CD163L1: variants seen among roughly 807,000 people sequenced by gnomAD.
CD163L1 encodes CD163 molecule like 1.
In CD163L1, 124 loss-of-function variants were observed where a neutral mutation model predicts 165.4. The observed-to-expected ratio is 0.75, with a 90% CI of 0.65 to 0.87. CD163L1 has a LOEUF of 0.87. CD163L1 is among the 40% of genes least tolerant of loss of function. CD163L1 has a pLI of 0.00. For missense variants in CD163L1, 1,525 were observed against 1,799.9 expected (o/e 0.85, Z 2.76); for synonymous variants, 585 against 662.2 (o/e 0.88, Z 1.79).
At chr12:7,384,852 A>C (rs1032411521) in intron 8 of CD163L1, among the ~76,000 whole-genome samples, 3 of 152,102 alleles carry the variant, frequency 2.0e-5, no homozygotes, top group Non-Finnish European at 2.9e-5. Context: ...TATAAAACTA[A>C]GCAGACAAAT....
At chr12:7,359,873 G>C (rs761701477) in intron 18 of CD163L1, among the ~76,000 whole-genome samples, 2 of 151,920 alleles carry the variant, frequency 1.3e-5, no homozygotes, top group African/African-American at 2.4e-5. Flanking sequence ...TTAGAAATCT[G>C]TATTCATTTT....
At chr12:7,404,162 GA>G (rs1947969387) in intron 5 of CD163L1, among the ~76,000 whole-genome samples, 1 of 151,752 alleles carries the variant, frequency 6.6e-6, no homozygotes, top group Admixed American at 6.6e-5. Flanking sequence ...TAAAATTTAA[GA>G]AACTAAACAT....
chr12:7,370,987 T>C (rs1947134812), intron 14 of CD163L1, among the ~76,000 whole-genome samples: 1 of 152,188 alleles, frequency 6.6e-6, no homozygotes, highest in African/African-American at 2.4e-5. Flanking sequence ...AATTGAATCA[T>C]AGGGGTGGGT....
chr12:7,319,677 A>G, the CD163L1 span, among the ~76,000 whole-genome samples: 4 of 152,102 alleles, frequency 2.6e-5, no homozygotes, highest in South Asian at 2.1e-4. Context: ...CCAGTTCCTA[A>G]TAGGCCACAA....
intron 6 of CD163L1, among the ~76,000 whole-genome samples, chr12:7,399,882 G>A (rs750463778): frequency 5.9e-5 from 9 of 152,004 alleles, no homozygotes; most frequent in Non-Finnish European, 1.3e-4. Context: ...GTCAGCCACC[G>A]TGCCCAGTCA....
rs1323291480 is a variant in CD163L1, at chr12:7,368,944, T to C, written c.4061A>G (p.Asn1354Ser). 6.2e-7 allele frequency: 1 copy of C among 1,613,516 alleles called. No individual in the cohort carries two copies. The highest frequency in any genetic ancestry group is 1.3e-5 in the African/African-American group (1 of 74,800). ...GCAGAAGACTATACCTGAGGAGGCATTCAGTGATTTCAGCGACTGTCCTGA... is the reference window on the plus strand; with the variant it reads ...GCAGAAGACTATACCTGAGGAGGCACTCAGTGATTTCAGCGACTGTCCTGA... The part of the protein sequence containing the change: ...RCSGQSLKSL[N>S]ASSGHLALIL... Residue 1354 changes from asparagine (N) to serine (S), a missense_variant, in exon 16 of 20, where the codon AAT (asparagine) becomes AGT (serine). By Grantham distance (46) the Asn-to-Ser change is conservative. Coordinates refer to ENST00000313599, the MANE Select transcript of CD163L1 (RefSeq NM_174941.6). This position sits in a 1 kb window ranked among gnomAD's most constrained non-coding sequence, Gnocchi z 4.3.
the CD163L1 span, chr12:7,324,486 T>C: frequency 1.9e-6 from 3 of 1,613,814 alleles, no homozygotes; most frequent in African/African-American, 1.3e-5. Context: ...CAAAAACTTC[T>C]TTTCCTCTTC....
At chr12:7,429,661 T>G (rs866090318) in intron 4 of CD163L1, among the ~76,000 whole-genome samples, 11 of 152,114 alleles carry the variant, frequency 7.2e-5, no homozygotes, top group Non-Finnish European at 1.6e-4. Context: ...TGTGTAAATA[T>G]AACTCCAATC....
chr12:7,405,312 C>T (rs1947995527), intron 5 of CD163L1, among the ~76,000 whole-genome samples: 1 of 152,078 alleles, frequency 6.6e-6, no homozygotes, highest in South Asian at 2.1e-4. Flanking sequence ...CTCATCTTCT[C>T]ATGTCTCCCT....
At chr12:7,421,600 T>C (rs768282100) in intron 4 of CD163L1, among the ~76,000 whole-genome samples, 1 of 11,050 alleles carries the variant, frequency 9.0e-5, no homozygotes, top group Non-Finnish European at 2.9e-4. Context: ...TATACATATA[T>C]GTACACATAT....
chr12:7,386,858 A>C (rs1268386874), intron 8 of CD163L1, among the ~76,000 whole-genome samples: 1 of 152,166 alleles, frequency 6.6e-6, no homozygotes. Context: ...ACAAGCCTAC[A>C]ACTAACAATA....
chr12:7,375,668 C>A, intron 10 of CD163L1, 32 bp downstream of exon 10: 1 of 1,611,988 alleles, frequency 6.2e-7, no homozygotes, highest in Non-Finnish European at 8.5e-7. Flanking sequence ...CATCTCTAGC[C>A]CCAGCCAATT....
In CD163L1 at chr12:7,347,027, C is replaced by T. The variant is rs1946675276; in HGVS notation, c.*145G>A. ...AGTGCAAAGGGATGCTCTCTGCTTA[C>T]CTGCAGCAGAAAAACTGATCACACT... On this transcript the variant is annotated 3_prime_UTR_variant, in exon 5 of 5. Transcript: ENST00000539726. This position sits in a 1 kb window ranked among gnomAD's most constrained non-coding sequence, Gnocchi z 4.2. 3 of 152,318 alleles carry T rather than the reference C, an allele frequency of 2.0e-5. No homozygotes were observed. The South Asian group carries it at 6.2e-4, about 32-fold the overall frequency. 9.4% of individuals were successfully genotyped at this position (152,318 alleles called of 1,614,324 possible). A position where few individuals can be genotyped will look rare whatever the true frequency, so the allele number is the denominator to read the frequency against.
chr12:7,375,994 C>T lies in CD163L1; in HGVS notation c.2392G>A (p.Val798Ile), dbSNP rs1345889295. ...CCAGAGCAGGGCATATCAGCTCCAA[C>T]CAGCCTGGGCTGCCTGTGGGCTATA... is the stretch of plus-strand genomic sequence containing the variant. ...ICSAHRQPRL[V>I]GADMPCSGRV... Residue 798 changes from valine to isoleucine, a missense_variant, in exon 10 of 20, where the codon GTT becomes ATT. Coordinates refer to ENST00000313599, the MANE Select transcript of CD163L1 (RefSeq NM_174941.6). 3.1e-6 allele frequency: 5 copies of T among 1,613,630 alleles called. No homozygotes were observed. The African/African-American group carries it at 4.0e-5, about 13-fold the overall frequency.
At chr12:7,341,899 A>G (rs1946639979), downstream of CD163L1, among the ~76,000 whole-genome samples, 1 of 152,222 alleles carries the variant, frequency 6.6e-6, no homozygotes, top group Admixed American at 6.5e-5. Flanking sequence ...AAATGGTAAT[A>G]AATATTTTGA....
At chr12:7,415,243 C>T (rs745814212) in intron 4 of CD163L1, among the ~76,000 whole-genome samples, 2 of 151,848 alleles carry the variant, frequency 1.3e-5, no homozygotes, top group African/African-American at 2.4e-5. Flanking sequence ...TTGTTATCAA[C>T]TTAAAAATAG....
At chr12:7,373,291 T>C (rs1947180794) in intron 14 of CD163L1, 29 bp downstream of exon 14, 1 of 1,553,648 alleles carries the variant, frequency 6.4e-7, no homozygotes, top group African/African-American at 1.4e-5. Flanking sequence ...AGGGCTTCAG[T>C]GACAGCTGGT....
intron 8 of CD163L1, among the ~76,000 whole-genome samples, chr12:7,390,374 G>C (rs1679192768): frequency 6.6e-6 from 1 of 152,038 alleles, no homozygotes; most frequent in African/African-American, 2.4e-5. Context: ...TCAACACAAA[G>C]AAATGAGAAA....
chr12:7,361,709 C>G (rs1014097960), intron 18 of CD163L1, among the ~76,000 whole-genome samples: 2 of 152,164 alleles, frequency 1.3e-5, no homozygotes, highest in African/African-American at 4.8e-5. Flanking sequence ...AATTTACCAT[C>G]ACGATCACAA....
Sources: gnomAD v4.1 joint callset for allele counts (sites outside exome capture counted in the v4.1 genomes callset) on GRCh38, gnomAD v4.1.1 for gene constraint, Gnocchi (gnomAD v3.1) non-coding constraint, MANE v1.5 for transcripts, NCBI Gene and HGNC (gene_info 2026-07-23, HGNC 2026-07-21) for gene names.